The following ANXA2 variants were observed in gnomAD, a reference collection of about 807,000 sequenced individuals.
The protein encoded by ANXA2 is annexin II.
In ANXA2, 28 loss-of-function variants were observed where a neutral mutation model predicts 47.3. The observed-to-expected ratio is 0.59, with a 90% confidence interval of 0.44 to 0.81. The LOEUF is 0.81. Among genes scored for constraint, ANXA2 ranks in the 40% least tolerant of loss-of-function variants. ANXA2 has a pLI of 0.00. For missense variants in ANXA2, 384 were observed against 414.3 expected, an observed-to-expected ratio of 0.93 and a Z score of 0.64; for synonymous variants, 172 against 155.5, an observed-to-expected ratio of 1.11 and a Z score of -0.79.
intron 5 of ANXA2, among the ~76,000 whole-genome samples, chr15:60,357,915 T>G (rs1169414319): frequency 6.6e-6 from 1 of 152,216 alleles, no homozygotes; most frequent in Non-Finnish European, 1.5e-5. Flanking sequence ...TATTTTTCAC[T>G]TTCTACAATA....
chr15:60,364,196 T>C (rs1268838932), intron 4 of ANXA2, among the ~76,000 whole-genome samples: 1 of 152,210 alleles, frequency 6.6e-6, no homozygotes, highest in South Asian at 2.1e-4. Context: ...ATCTATGTTG[T>C]ACACTCCTTA....
intron 12 of ANXA2, among the ~76,000 whole-genome samples, chr15:60,348,588 C>T (rs1168260365): frequency 6.6e-6 from 1 of 151,706 alleles, no homozygotes; most frequent in Non-Finnish European, 1.5e-5. Context: ...ACTAAAAATA[C>T]AAAAAAATTA....
chr15:60,368,431 A>C (rs2062668025), intron 3 of ANXA2, among the ~76,000 whole-genome samples: 1 of 152,130 alleles, frequency 6.6e-6, no homozygotes, highest in South Asian at 2.1e-4. Flanking sequence ...AAGTAGAAAA[A>C]ACACCTGTGT....
intron 3 of ANXA2, chr15:60,374,421 A>C (rs761752927): frequency 7.0e-5 from 32 of 455,416 alleles, no homozygotes; most frequent in South Asian, 4.5e-4. Context: ...AACAGATGCG[A>C]GAGAAACCAA....
Position 60,397,616 on chromosome 15 carries a change from T to G in ANXA2, c.-12+327A>C, listed in dbSNP as rs568122306. On this transcript the variant is annotated intron_variant, in intron 1 of 12. Transcript: ENST00000451270. ...TCGGCGGCGCCTGGCGCGTCTGGAA[T>G]GCGGGGCCTCCCTCCGCCCCTCTCC... is the stretch of plus-strand genomic sequence containing the variant. Among the ~76,000 whole-genome samples, 3 of 152,250 alleles carry G rather than the reference T, an allele frequency of 2.0e-5. No individual in the cohort carries two copies. The South Asian group carries it at 6.2e-4, about 32-fold the overall frequency.
intron 1 of ANXA2, chr15:60,393,672 T>C: frequency 1.0e-6 from 1 of 985,420 alleles, no homozygotes. Context: ...ATACAGGAAA[T>C]CATAAATGCC....
chr15:60,359,166 G>C (rs555164120), intron 5 of ANXA2, among the ~76,000 whole-genome samples: 1 of 152,300 alleles, frequency 6.6e-6, no homozygotes, highest in East Asian at 1.9e-4. Flanking sequence ...TAATGGAAGA[G>C]CTGGCACAGG....
At chr15:60,397,804 T>C (rs1224092663) in intron 1 of ANXA2, 139 bp downstream of exon 1, 37 of 1,280,100 alleles carry the variant, frequency 2.9e-5, no homozygotes, top group Non-Finnish European at 3.7e-5. Flanking sequence ...GTGCCGGCCG[T>C]CCCTTCAGCC....
At chr15:60,393,426 A>G in intron 1 of ANXA2, 2 of 1,006,994 alleles carry the variant, frequency 2.0e-6, no homozygotes, top group Non-Finnish European at 2.4e-6. Flanking sequence ...TGTATTTTCA[A>G]CAGGGCCTGG....
chr15:60,352,451 C>T lies in ANXA2; in HGVS notation c.614G>A (p.Arg205Lys). ...CCACTTGGGAACATCAGTTCCTTTCCTCTTCACTCCAGCGTCATAGAGATC... is the reference window on the plus strand; with the variant it reads ...CCACTTGGGAACATCAGTTCCTTTCTTCTTCACTCCAGCGTCATAGAGATC... Reference protein sequence around the residue: ...ARDLYDAGVKRKGTDVPKWIS... With the variant: ...ARDLYDAGVKKKGTDVPKWIS... Residue 205 changes from arginine to lysine, a missense_variant, in exon 9 of 13, where the codon AGG (arginine) becomes AAG (lysine). Physicochemically the swap from Arg to Lys is conservative, Grantham distance 26. Coordinates refer to ENST00000451270, the MANE Select transcript of ANXA2 (RefSeq NM_004039.3). This position sits in a 1 kb window ranked among gnomAD's most constrained non-coding sequence, Gnocchi z 4.2. 1 of 1,613,682 alleles carries T rather than the reference C, an allele frequency of 6.2e-7. No individual in the cohort carries two copies.
intron 3 of ANXA2, among the ~76,000 whole-genome samples, chr15:60,368,371 T>C (rs1226137454): frequency 6.6e-6 from 1 of 151,782 alleles, no homozygotes; most frequent in African/African-American, 2.4e-5. Flanking sequence ...GGATATGAGA[T>C]TCAGCTTCAA....
chr15:60,370,063 G>A (rs1384939602), intron 3 of ANXA2, among the ~76,000 whole-genome samples: 1 of 152,162 alleles, frequency 6.6e-6, no homozygotes, highest in Non-Finnish European at 1.5e-5. Flanking sequence ...AGCCTGGGTG[G>A]TTAACGTGAA....
chr15:60,358,081 G>A (rs1214737608), intron 5 of ANXA2, among the ~76,000 whole-genome samples: 1 of 152,154 alleles, frequency 6.6e-6, no homozygotes, highest in Non-Finnish European at 1.5e-5. Context: ...ATTTTTAGCT[G>A]CACTCTTTGA....
At position 60,364,469 on chromosome 15, in the gene ANXA2, C is replaced by T. The variant is rs2062563473; in HGVS notation, c.203G>A (p.Arg68Lys). 6.2e-7 allele frequency: 1 copy of T among 1,613,496 alleles called. No homozygotes were observed. Residue 68 changes from arginine to lysine, a missense_variant, in exon 4 of 13, where the codon AGA (arginine) becomes AAA (lysine). Physicochemically the swap from Arg to Lys is conservative, Grantham distance 26 (BLOSUM62 2). Transcript: ENST00000451270. The stretch of plus-strand genomic sequence containing the variant: ...CTGGTAGGCGAAGGCAATATCCTGT[C>T]TCTGTGCATTGCTGCGGTTGGTCAA... ...NILTNRSNAQ[R>K]QDIAFAYQRR...
At chr15:60,351,167 C>T in intron 11 of ANXA2, 26 bp downstream of exon 11, 1 of 1,612,604 alleles carries the variant, frequency 6.2e-7, no homozygotes, top group East Asian at 2.2e-5. Context: ...TGTGGAAACA[C>T]AGCTCTCTCA....
At chr15:60,356,668 A>G (rs958468246) in intron 6 of ANXA2, among the ~76,000 whole-genome samples, 25 of 152,188 alleles carry the variant, frequency 1.6e-4, no homozygotes, top group African/African-American at 5.8e-4. Context: ...ACAAAAAAGA[A>G]ATGCAGTAGC....
intron 7 of ANXA2, chr15:60,355,495 A>G (rs2062413350): frequency 3.5e-6 from 1 of 288,982 alleles, no homozygotes; most frequent in Non-Finnish European, 6.7e-6. Flanking sequence ...CAGCTCCACA[A>G]AGACAACTCC....
intron 5 of ANXA2, 46 bp from the exon 6 acceptor site, chr15:60,357,282 C>T (rs748082761): frequency 6.7e-6 from 10 of 1,499,554 alleles, no homozygotes; most frequent in Non-Finnish European, 9.3e-6. Flanking sequence ...TGCTTCCCCA[C>T]CATTAGCCTA....
intron 1 of ANXA2, chr15:60,392,912 C>G (rs149548972): frequency 8.6e-5 from 75 of 868,396 alleles, no homozygotes; most frequent in Non-Finnish European, 1.0e-4. Flanking sequence ...CCTGGACACA[C>G]AGTCTACAGG....
Sources: gnomAD v4.1 joint callset for allele counts (sites outside exome capture counted in the v4.1 genomes callset) on GRCh38, gnomAD v4.1.1 for gene constraint, Gnocchi (gnomAD v3.1) non-coding constraint, MANE v1.5 for transcripts, NCBI Gene and HGNC (gene_info 2026-07-23, HGNC 2026-07-21) for gene names.